PRTFDC1: variants seen among roughly 807,000 people sequenced by gnomAD.
PRTFDC1 encodes the protein phosphoribosyl transferase domain containing 1.
A neutral mutation model predicts 34.6 loss-of-function variants in PRTFDC1; 38 were observed. The ratio of observed to expected loss-of-function variants is 1.10; its 90% confidence interval spans 0.85 to 1.44. PRTFDC1 has a LOEUF of 1.44. Ranked by LOEUF, PRTFDC1 falls within the 40% of genes most tolerant of loss-of-function variation. The probability of loss-of-function intolerance (pLI) is 0.00; values close to 1 mark genes in which losing one functional copy is unlikely to be tolerated. For synonymous variants in PRTFDC1, 93 were observed against 98.1 expected (o/e 0.95, Z 0.31); for missense variants, 270 against 283.0 (o/e 0.95, Z 0.33).
chr10:24,850,031 G>A (rs1847456905), intron 8 of PRTFDC1, 140 bp from the exon 9 acceptor site: 1 of 781,876 alleles, frequency 1.3e-6, no homozygotes, highest in Admixed American at 2.2e-5. Context: ...TATATGTGTG[G>A]GTAAAATCTA....
chr10:24,927,215 C>T lies in PRTFDC1; in HGVS notation c.339+9969G>A, dbSNP rs1291289709. Among the ~76,000 whole-genome samples, 3 of 152,208 alleles carry T rather than the reference C, an allele frequency of 2.0e-5. No individual in the cohort carries two copies. The East Asian group carries it at 5.8e-4, about 29-fold the overall frequency. On this transcript the variant is annotated intron_variant, in intron 3 of 8. Coordinates refer to ENST00000320152, the MANE Select transcript of PRTFDC1 (RefSeq NM_020200.7). ...TTCTTCATCCATGCCCTGCTGAAAG[C>T]CCATCATAAATACCTCTTAAAAACC...
intron 3 of PRTFDC1, among the ~76,000 whole-genome samples, chr10:24,893,272 T>TTTCTC (rs1555048499): frequency 1.1e-5 from 1 of 91,418 alleles, no homozygotes; most frequent in African/African-American, 4.8e-5. Context: ...CTCTCTCTCT[T>TTTCTC]TCTCTCTCTC....
intron 3 of PRTFDC1, among the ~76,000 whole-genome samples, chr10:24,916,879 A>G (rs948111618): frequency 6.6e-6 from 1 of 152,148 alleles, no homozygotes; most frequent in African/African-American, 2.4e-5. Context: ...GGAACCCTCA[A>G]TAACATCACC....
intron 4 of PRTFDC1, among the ~76,000 whole-genome samples, chr10:24,861,708 T>C (rs1030532423): frequency 6.6e-6 from 1 of 152,124 alleles, no homozygotes; most frequent in Admixed American, 6.6e-5. Flanking sequence ...ATGTTTCACA[T>C]AGCTATTTCT....
intron 3 of PRTFDC1, among the ~76,000 whole-genome samples, chr10:24,898,286 C>CAAAAAAAA (rs34691185): frequency 1.2e-4 from 9 of 75,184 alleles, no homozygotes; most frequent in Admixed American, 5.4e-4. Context: ...CCCGTCTCTA[C>CAAAAAAAA]AAAAAAAAAA....
rs1174489136 is a variant in PRTFDC1, at chr10:24,887,230, A to G, written c.340-15167T>C. The stretch of plus-strand genomic sequence containing the variant: ...CATGATCCACCCGCCTCGGCCTCCC[A>G]AAGTGCTGGGATTACAGGCGTGAGC... On this transcript the variant is annotated intron_variant, in intron 3 of 8. Transcript: ENST00000320152. Among the ~76,000 whole-genome samples, 14 of 151,134 alleles carry G rather than the reference A, an allele frequency of 9.3e-5. No homozygotes were observed. In the East Asian group the frequency reaches 2.5e-3, roughly 27 times the overall value.
Position 24,853,630 on chromosome 10 carries a change from C to G in PRTFDC1, c.553+1688G>C, listed in dbSNP as rs535414534. 7.9e-5 allele frequency among the ~76,000 whole-genome samples: 12 copies of G among 152,068 alleles called. No homozygotes were observed. In the East Asian group the frequency reaches 1.9e-3, roughly 24 times the overall value. ...AATAATAATAATAATATGAGCAAATCCCAAGAAACCCTGTTTGTAACCAGG... is the reference window on the plus strand; with the variant it reads ...AATAATAATAATAATATGAGCAAATGCCAAGAAACCCTGTTTGTAACCAGG... On this transcript the variant is annotated intron_variant, in intron 7 of 8. Coordinates refer to ENST00000320152, the MANE Select transcript of PRTFDC1 (RefSeq NM_020200.7).
intron 3 of PRTFDC1, among the ~76,000 whole-genome samples, chr10:24,923,452 G>T (rs535050222): frequency 6.6e-6 from 1 of 152,184 alleles, no homozygotes; most frequent in Non-Finnish European, 1.5e-5. Context: ...GCTTCCAGAG[G>T]AAGGATCAGG....
At chr10:24,880,895 T>G (rs139898624) in intron 3 of PRTFDC1, among the ~76,000 whole-genome samples, 1 of 145,676 alleles carries the variant, frequency 6.9e-6, no homozygotes, top group African/African-American at 2.6e-5. Context: ...TTCCTTCCTT[T>G]CTTTCTTTCC....
intron 3 of PRTFDC1, among the ~76,000 whole-genome samples, chr10:24,900,377 A>G (rs1848429848): frequency 6.6e-6 from 1 of 152,256 alleles, no homozygotes; most frequent in Non-Finnish European, 1.5e-5. Context: ...GAAACTAACA[A>G]GCCAGGAACT....
chr10:24,950,038 A>G (rs1396180189), intron 1 of PRTFDC1, among the ~76,000 whole-genome samples: 2 of 151,636 alleles, frequency 1.3e-5, no homozygotes, highest in Non-Finnish European at 2.9e-5. Flanking sequence ...CTGGCCCTCT[A>G]CTCTCTTGAT....
intron 3 of PRTFDC1, among the ~76,000 whole-genome samples, chr10:24,899,689 G>C (rs1848420714): frequency 6.6e-6 from 1 of 152,122 alleles, no homozygotes. Context: ...ATACTTTAGA[G>C]ACAAAGAAAA....
chr10:24,927,157 T>G (rs1375110886), intron 3 of PRTFDC1, among the ~76,000 whole-genome samples: 1 of 152,234 alleles, frequency 6.6e-6, no homozygotes, highest in African/African-American at 2.4e-5. Context: ...GATCTCTTTT[T>G]AGGCCAAACT....
chr10:24,952,384 G>T lies in PRTFDC1; in HGVS notation c.48+144C>A. On this transcript the variant is annotated intron_variant, in intron 1 of 8. Coordinates refer to ENST00000320152, the MANE Select transcript of PRTFDC1 (RefSeq NM_020200.7). This position sits in a 1 kb window ranked among gnomAD's most constrained non-coding sequence, Gnocchi z 5.1. The stretch of plus-strand genomic sequence containing the variant: ...GCGGGGAGAGGAGGCCCGGGTCCGA[G>T]GATGGAAGCGATCCCCGCCGGGAGG... 1.1e-6 allele frequency: 1 copy of T among 940,456 alleles called. No individual in the cohort carries two copies. The highest frequency in any genetic ancestry group is 3.2e-4 in the Middle Eastern group (1 of 3,140). The allele number at this position is 940,456 out of a possible 1,614,324, so 58.3% of individuals were successfully genotyped here.
At chr10:24,942,505 T>A in intron 1 of PRTFDC1, 69 bp from the exon 2 acceptor site, 1 of 1,269,986 alleles carries the variant, frequency 7.9e-7, no homozygotes, top group Non-Finnish European at 1.1e-6. Context: ...AACAAAAGAG[T>A]ATCACTTGAG....
At position 24,942,445 on chromosome 10, in the gene PRTFDC1, C is replaced by A. The variant is rs770675289; in HGVS notation, c.49-9G>T. ...GGCCAATCATCCATAATCTGCAAAT[C>A]AAATTATTTTGGTTATGGTATTTTT... On this transcript the variant is annotated splice_polypyrimidine_tract_variant and intron_variant, in intron 1 of 8. Transcript: ENST00000320152. 92 of 1,601,004 alleles carry A rather than the reference C, an allele frequency of 5.7e-5. No individual in the cohort carries two copies. The highest frequency in any genetic ancestry group is 7.9e-5 in the Non-Finnish European group (92 of 1,168,106).
intron 7 of PRTFDC1, among the ~76,000 whole-genome samples, chr10:24,855,055 A>G (rs900896701): frequency 5.9e-5 from 9 of 152,334 alleles, no homozygotes; most frequent in African/African-American, 2.2e-4. Context: ...TGTGAAACAT[A>G]CAAATAAAAA....
At chr10:24,915,950 C>A (rs990733910) in intron 3 of PRTFDC1, among the ~76,000 whole-genome samples, 2 of 152,190 alleles carry the variant, frequency 1.3e-5, no homozygotes, top group African/African-American at 4.8e-5. Context: ...CTTCCCTGAA[C>A]TCCAGACTGG....
intron 3 of PRTFDC1, among the ~76,000 whole-genome samples, chr10:24,902,297 CAT>C (rs1848463141): frequency 6.6e-6 from 1 of 152,078 alleles, no homozygotes; most frequent in African/African-American, 2.4e-5. Context: ...TTGGCCAACT[CAT>C]AGAGCTGTGG....
Sources: allele counts gnomAD v4.1 joint callset (sites outside exome capture counted in the v4.1 genomes callset), GRCh38; gene constraint gnomAD v4.1.1; non-coding constraint Gnocchi (gnomAD v3.1); transcripts MANE v1.5; gene names NCBI Gene and HGNC (gene_info 2026-07-23, HGNC 2026-07-21).